Variants in PCBP3 observed in about 807,000 individuals in gnomAD.
The protein encoded by PCBP3 is poly(rC) binding protein 3.
In PCBP3, 25 loss-of-function variants were observed where a neutral mutation model predicts 52.7. The observed-to-expected ratio is 0.47, with a 90% CI of 0.35 to 0.66. The LOEUF is 0.66. Among genes scored for constraint, PCBP3 ranks in the 30% least tolerant of loss-of-function variants. PCBP3 has a pLI of 0.01. For synonymous variants in PCBP3, 162 were observed against 183.0 expected, an observed-to-expected ratio of 0.89 and a Z score of 0.93; for missense variants, 391 against 490.3, an observed-to-expected ratio of 0.80 and a Z score of 1.91.
intron 2 of PCBP3, among the ~76,000 whole-genome samples, chr21:45,691,512 A>T (rs1400252975): frequency 6.7e-6 from 1 of 149,574 alleles, no homozygotes; most frequent in East Asian, 1.9e-4. Flanking sequence ...GTACACCTCA[A>T]ATAGATGAAT....
At chr21:45,903,050 AG>A (rs1482752305) in intron 9 of PCBP3, among the ~76,000 whole-genome samples, 6 of 152,178 alleles carry the variant, frequency 3.9e-5, no homozygotes, top group Non-Finnish European at 5.9e-5. Context: ...TTATAGAATT[AG>A]GGTCTTTGTA....
At chr21:45,751,372 T>C (rs1164606307) in intron 3 of PCBP3, 1 of 152,244 alleles carries the variant, frequency 6.6e-6, no homozygotes, top group African/African-American at 2.4e-5. Context: ...TTAAGCTGTT[T>C]TTAAGCGTAT....
chr21:45,662,373 C>T (rs2080464395), intron 1 of PCBP3, among the ~76,000 whole-genome samples: 1 of 139,878 alleles, frequency 7.1e-6, no homozygotes. Context: ...TGCCTGCCTT[C>T]AGCCTTCCAG....
At chr21:45,688,721 C>A (rs1014396203) in intron 2 of PCBP3, among the ~76,000 whole-genome samples, 4 of 151,866 alleles carry the variant, frequency 2.6e-5, no homozygotes, top group African/African-American at 9.7e-5. Context: ...TTTGGCTCAA[C>A]TGATCAGGAG....
In PCBP3 at chr21:45,837,748, G is replaced by A. The variant is rs1013992536; in HGVS notation, c.-125-12213G>A. On this transcript the variant is annotated intron_variant, in intron 4 of 17. Transcript: ENST00000681687. This position sits in a 1 kb window ranked among gnomAD's most constrained non-coding sequence, Gnocchi z 4.1. ...CCTAGGTGGCACTGCACGTTGCACC[G>A]CATGGCATGATGAGGCGTGTGGTCT... Among the ~76,000 whole-genome samples the A allele has an allele frequency of 6.6e-6, 1 of 152,210 alleles. No homozygotes were observed. The highest frequency in any genetic ancestry group is 2.4e-5 in the African/African-American group (1 of 41,460).
intron 2 of PCBP3, among the ~76,000 whole-genome samples, chr21:45,691,137 TA>T (rs1159449649): frequency 6.6e-6 from 1 of 151,908 alleles, no homozygotes; most frequent in Non-Finnish European, 1.5e-5. Context: ...AACAGGCAAG[TA>T]AACAAAGAGT....
chr21:45,814,942 ATGAGTGG>A (rs2092830472), intron 4 of PCBP3, among the ~76,000 whole-genome samples: 3 of 106,018 alleles, frequency 2.8e-5, no homozygotes, highest in Non-Finnish European at 5.7e-5. Context: ...GTAGTGAGTG[ATGAGTGG>A]TGAGTGAGTG....
chr21:45,895,160 T>C (rs955672124), intron 5 of PCBP3, among the ~76,000 whole-genome samples: 3 of 152,248 alleles, frequency 2.0e-5, no homozygotes, highest in Non-Finnish European at 4.4e-5. Flanking sequence ...ACAAAGGCAG[T>C]TGGAACGGGC....
intron 9 of PCBP3, among the ~76,000 whole-genome samples, chr21:45,908,857 T>C (rs919593334): frequency 2.0e-5 from 3 of 152,096 alleles, no homozygotes; most frequent in Non-Finnish European, 4.4e-5. Flanking sequence ...CTTCTCCCGC[T>C]TCTACATTAA....
intron 5 of PCBP3, among the ~76,000 whole-genome samples, chr21:45,850,390 AAGGAGGCACAGGTTTC>A (rs2093948733): frequency 6.6e-6 from 1 of 152,136 alleles, no homozygotes. Flanking sequence ...CCGAGAAGCC[AAGGAGGCACAGGTTTC>A]AGGAATGAAG....
Position 45,696,105 on chromosome 21 carries a change from A to G in PCBP3, c.-200+27153A>G, listed in dbSNP as rs925997621. On this transcript the variant is annotated intron_variant, in intron 2 of 17. Coordinates refer to ENST00000681687, the MANE Select transcript of PCBP3 (RefSeq NM_001384156.1). ...AAAAAAAAAAAAAAAAAAAAAAAAAAAGGTCTTTTCAATAAATGGAAGTAG... is the reference window on the plus strand; with the variant it reads ...AAAAAAAAAAAAAAAAAAAAAAAAAGAGGTCTTTTCAATAAATGGAAGTAG... Among the ~76,000 whole-genome samples, 56 of 147,360 alleles carry G rather than the reference A, an allele frequency of 3.8e-4. No homozygotes were observed. In the South Asian group the frequency reaches 0.012, roughly 32 times the overall value.
chr21:45,847,450 T>C (rs1157637873), intron 4 of PCBP3, among the ~76,000 whole-genome samples: 1 of 152,240 alleles, frequency 6.6e-6, no homozygotes, highest in African/African-American at 2.4e-5. Flanking sequence ...TATTTTTGTT[T>C]ATGTCAAATT....
intron 4 of PCBP3, among the ~76,000 whole-genome samples, chr21:45,784,442 C>T (rs1452068091): frequency 1.4e-5 from 2 of 146,522 alleles, no homozygotes; most frequent in Non-Finnish European, 3.0e-5. Context: ...CCTCCTACCT[C>T]CTACCTCCTA....
intron 1 of PCBP3, among the ~76,000 whole-genome samples, chr21:45,664,020 C>CTTTTTTTTTTT (rs35607838): frequency 3.8e-5 from 5 of 132,666 alleles, no homozygotes; most frequent in Non-Finnish European, 1.6e-5. Flanking sequence ...CTTTTTTTTT[C>CTTTTTTTTTTT]TTTTTTTTTT....
intron 2 of PCBP3, among the ~76,000 whole-genome samples, chr21:45,696,748 G>A (rs372675912): frequency 5.3e-4 from 80 of 151,540 alleles, no homozygotes; most frequent in South Asian, 1.7e-3. Flanking sequence ...CCGAGATTGC[G>A]CCATTGCATT....
chr21:45,868,751 C>G (rs2839026), intron 5 of PCBP3, among the ~76,000 whole-genome samples: 22,245 of 152,238 alleles, frequency 0.15, 1,802 homozygotes, highest in Middle Eastern at 0.28. Flanking sequence ...TGGGAAGAAC[C>G]CGGGAGGCAG....
Position 45,939,975 on chromosome 21 carries a change from C to G in PCBP3, c.910-55C>G, listed in dbSNP as rs2077285968. ...CCCCCTCGGGCGCACTGCCCACAGTCTTCAGGGGCTGGCTTGGGCTGTTCT... is the reference window on the plus strand; with the variant it reads ...CCCCCTCGGGCGCACTGCCCACAGTGTTCAGGGGCTGGCTTGGGCTGTTCT... On this transcript the variant is annotated intron_variant, in intron 16 of 17. Transcript: ENST00000681687. 3 of 1,544,340 alleles carry G rather than the reference C, an allele frequency of 1.9e-6. No homozygotes were observed. The Admixed American group carries it at 5.1e-5, about 26-fold the overall frequency.
chr21:45,893,862 A>T, intron 5 of PCBP3: 10 of 985,406 alleles, frequency 1.0e-5, no homozygotes, highest in Non-Finnish European at 1.2e-5. Flanking sequence ...TGGTCCGAGC[A>T]TGGGCTGCTG....
rs1409918965 is a variant in PCBP3, at chr21:45,886,921, G to A, written c.11-9287G>A. Among the ~76,000 whole-genome samples the A allele has an allele frequency of 3.9e-5, 6 of 152,330 alleles. No individual in the cohort carries two copies. The East Asian group carries it at 5.8e-4, about 15-fold the overall frequency. On this transcript the variant is annotated intron_variant, in intron 5 of 17. Transcript: ENST00000681687. ...GAGGGCGGAGGTCTAGGCTCTGTAC[G>A]CGGCCTTTGCTGCGTGGGTGGGGAG...
Sources: allele counts gnomAD v4.1 joint callset (sites outside exome capture counted in the v4.1 genomes callset), GRCh38; gene constraint gnomAD v4.1.1; non-coding constraint Gnocchi (gnomAD v3.1); transcripts MANE v1.5; gene names NCBI Gene and HGNC (gene_info 2026-07-23, HGNC 2026-07-21).